The following COL21A1 variants were observed in gnomAD, a reference collection of about 807,000 sequenced individuals.
COL21A1 encodes collagen type XXI alpha 1 chain.
In COL21A1, 149 loss-of-function variants were observed where a neutral mutation model predicts 137.9. That is an observed-to-expected ratio of 1.08 (90% confidence interval 0.95 to 1.24). COL21A1 has a LOEUF of 1.24. COL21A1 is among the 50% of genes most tolerant of loss of function. The pLI, the probability that COL21A1 is intolerant of heterozygous loss-of-function variation, is 0.00. For missense variants in COL21A1, 1,167 were observed against 1,158.4 expected, an observed-to-expected ratio of 1.01 and a Z score of -0.11; for synonymous variants, 456 against 391.5, an observed-to-expected ratio of 1.16 and a Z score of -1.95.
intron 17 of COL21A1, among the ~76,000 whole-genome samples, chr6:56,086,423 A>ATC (rs1240247194): frequency 1.3e-5 from 2 of 149,450 alleles, no homozygotes; most frequent in Admixed American, 1.4e-4. Context: ...GTCAATTAAT[A>ATC]CGTGTTTTGG....
chr6:56,214,612 G>T (rs997823978), intron 1 of COL21A1, among the ~76,000 whole-genome samples: 9 of 151,408 alleles, frequency 5.9e-5, no homozygotes, highest in Non-Finnish European at 4.4e-5. Flanking sequence ...AACCAAAATA[G>T]ACTCAACATT....
chr6:56,263,094 C>G (rs765049950), intron 1 of COL21A1, among the ~76,000 whole-genome samples: 1 of 152,224 alleles, frequency 6.6e-6, no homozygotes, highest in Non-Finnish European at 1.5e-5. Flanking sequence ...TCCGCTCCTG[C>G]AAGAATGCAG....
intron 1 of COL21A1, among the ~76,000 whole-genome samples, chr6:56,279,569 T>C (rs142328337): frequency 3.9e-5 from 6 of 152,306 alleles, no homozygotes; most frequent in Admixed American, 1.3e-4. Context: ...ATTGTCAGAT[T>C]TGATAACTCA....
intron 12 of COL21A1, among the ~76,000 whole-genome samples, chr6:56,126,882 T>C (rs148600832): frequency 2.6e-5 from 4 of 152,168 alleles, no homozygotes; most frequent in Non-Finnish European, 4.4e-5. Context: ...TCAATTATAC[T>C]CCTAGCTTGT....
At chr6:56,129,629 T>C (rs1425033137) in intron 12 of COL21A1, among the ~76,000 whole-genome samples, 1 of 149,704 alleles carries the variant, frequency 6.7e-6, no homozygotes, top group Non-Finnish European at 1.5e-5. Context: ...GCTTCCTCTG[T>C]CACGTGCGTG....
chr6:56,310,453 G>A (rs1349007005), intron 1 of COL21A1, among the ~76,000 whole-genome samples: 1 of 152,160 alleles, frequency 6.6e-6, no homozygotes, highest in Non-Finnish European at 1.5e-5. Context: ...CCCAGATGAT[G>A]CTAATATCCA....
At chr6:56,146,358 G>A (rs1255939947) in intron 10 of COL21A1, among the ~76,000 whole-genome samples, 3 of 152,116 alleles carry the variant, frequency 2.0e-5, no homozygotes, top group African/African-American at 7.2e-5. Context: ...TCTTCTAGTT[G>A]TTGTTGGCAG....
In COL21A1 at chr6:56,067,311, C is replaced by G; in HGVS notation, c.2111G>C (p.Gly704Ala). ...ACAACATACCTGAATACCTTTTTCA[C>G]CTTGATTTCCTTTGTCCCCCTACAA... ...QGKKGDKGNQ[G>A]EKGIQGQKGE... The change falls in exon 23 of 30, where the codon GGT becomes GCT. Residue 704 changes from glycine to alanine, a missense_variant. Transcript: ENST00000244728. 1.2e-6 allele frequency: 2 copies of G among 1,608,724 alleles called. No homozygotes were observed. The highest frequency in any genetic ancestry group is 1.7e-6 in the Non-Finnish European group (2 of 1,176,630).
chr6:56,317,647 A>G (rs1246944562), intron 1 of COL21A1, among the ~76,000 whole-genome samples: 1 of 152,004 alleles, frequency 6.6e-6, no homozygotes, highest in Non-Finnish European at 1.5e-5. Flanking sequence ...GGTCACTACA[A>G]ATAACTGAAT....
At chr6:56,170,527 A>T in intron 5 of COL21A1, 122 bp downstream of exon 5, 1 of 708,698 alleles carries the variant, frequency 1.4e-6, no homozygotes, top group Non-Finnish European at 2.3e-6. Flanking sequence ...AAACATTAAA[A>T]TTTAAAGTAA....
At chr6:56,228,113 G>A (rs1781327320) in intron 1 of COL21A1, among the ~76,000 whole-genome samples, 1 of 151,956 alleles carries the variant, frequency 6.6e-6, no homozygotes, top group Admixed American at 6.6e-5. Context: ...TCAGGAAACA[G>A]AGCAGGAACA....
intron 1 of COL21A1, among the ~76,000 whole-genome samples, chr6:56,254,009 C>A (rs1186607614): frequency 6.6e-6 from 1 of 152,126 alleles, no homozygotes; most frequent in Non-Finnish European, 1.5e-5. Context: ...TACTCAGAGA[C>A]TACTTGGAGA....
At chr6:56,261,444 C>T (rs1037884376) in intron 1 of COL21A1, among the ~76,000 whole-genome samples, 5 of 152,096 alleles carry the variant, frequency 3.3e-5, no homozygotes, top group East Asian at 3.9e-4. Context: ...GATATTAGGT[C>T]GTAAGGGCAG....
At chr6:56,321,677 G>A (rs1764871820) in intron 1 of COL21A1, among the ~76,000 whole-genome samples, 1 of 152,194 alleles carries the variant, frequency 6.6e-6, no homozygotes, top group South Asian at 2.1e-4. Context: ...GTACAGTGCA[G>A]TGGTGGTTCA....
At chr6:56,382,952 C>T (rs779789978) in intron 1 of COL21A1, among the ~76,000 whole-genome samples, 2 of 152,088 alleles carry the variant, frequency 1.3e-5, no homozygotes, top group African/African-American at 2.4e-5. Flanking sequence ...CATAGTCCCC[C>T]GACCCATACC....
At chr6:56,119,646 G>A (rs969374347) in intron 16 of COL21A1, among the ~76,000 whole-genome samples, 6 of 151,904 alleles carry the variant, frequency 3.9e-5, no homozygotes, top group African/African-American at 1.2e-4. Flanking sequence ...TACATTACCC[G>A]ACATCAAATT....
At chr6:56,217,295 A>G (rs1380399407) in intron 1 of COL21A1, among the ~76,000 whole-genome samples, 1 of 152,082 alleles carries the variant, frequency 6.6e-6, no homozygotes, top group Admixed American at 6.6e-5. Flanking sequence ...CTCCTGGGTC[A>G]TCTGAAACAA....
At chr6:56,366,075 C>T (rs573242570) in intron 1 of COL21A1, among the ~76,000 whole-genome samples, 1 of 152,284 alleles carries the variant, frequency 6.6e-6, no homozygotes, top group South Asian at 2.1e-4. Context: ...GTGTCTCTCA[C>T]CTTATAGCAT....
chr6:56,382,373 G>A lies in COL21A1; in HGVS notation c.-39+11598C>T, dbSNP rs188810303. Among the ~76,000 whole-genome samples, 131 of 152,296 alleles carry A rather than the reference G, an allele frequency of 8.6e-4. 1 individual carries two copies. The highest frequency in any genetic ancestry group is 3.4e-3 in the Middle Eastern group (1 of 294). ...TATGTTGTTCTTTAAAGAGGAAAGC[G>A]TTATGAAGAAACGAATATCACTGGA... On this transcript the variant is annotated intron_variant, in intron 1 of 28. Transcript: ENST00000370819.
Sources: gnomAD v4.1 joint callset for allele counts (sites outside exome capture counted in the v4.1 genomes callset) on GRCh38, gnomAD v4.1.1 for gene constraint, MANE v1.5 for transcripts, NCBI Gene and HGNC (gene_info 2026-07-23, HGNC 2026-07-21) for gene names.